DYSF: variants seen among roughly 807,000 people sequenced by gnomAD.
DYSF encodes dystrophy-associated fer-1-like 1.
DYSF carries 212 observed loss-of-function variants against 274.9 expected under a neutral mutation model. The ratio of observed to expected loss-of-function variants is 0.77; its 90% CI spans 0.69 to 0.86. The LOEUF is 0.86. Ranked by LOEUF, DYSF falls within the 40% of genes least tolerant of loss-of-function variation. The pLI is 0.00. For missense variants in DYSF, 2,666 were observed against 2,783.2 expected (o/e 0.96, Z 0.95); for synonymous variants, 1,091 against 1,078.7 (o/e 1.01, Z -0.22).
chr2:71,480,963 TTC>T, intron 2 of DYSF, 25 bp downstream of exon 2: 1 of 1,610,180 alleles, frequency 6.2e-7, no homozygotes, highest in Non-Finnish European at 8.5e-7. Flanking sequence ...CTCCTTCCTT[TTC>T]TCTCTGTCTG....
At chr2:71,555,906 C>A in intron 21 of DYSF, 59 bp from the exon 22 acceptor site, 1 of 1,375,544 alleles carries the variant, frequency 7.3e-7, no homozygotes, top group Non-Finnish European at 1.0e-6. Flanking sequence ...GGGGTTGGGT[C>A]CAGCATGCAC....
chr2:71,600,528 GTTTTGT>G (rs2093524032), intron 33 of DYSF, among the ~76,000 whole-genome samples, 168 bp from the exon 34 acceptor site: 1 of 152,216 alleles, frequency 6.6e-6, no homozygotes, highest in African/African-American at 2.4e-5. Flanking sequence ...CTCACAGCTT[GTTTTGT>G]CCTTGAGTCC....
intron 17 of DYSF, among the ~76,000 whole-genome samples, chr2:71,549,933 G>A (rs2090806718): frequency 6.6e-6 from 1 of 152,058 alleles, no homozygotes; most frequent in Non-Finnish European, 1.5e-5. Context: ...AAGGAGGTGG[G>A]GAGGCCCCTG....
intron 40 of DYSF, among the ~76,000 whole-genome samples, chr2:71,617,701 T>C (rs1280282492): frequency 7.4e-6 from 1 of 135,416 alleles, no homozygotes; most frequent in Admixed American, 7.3e-5. Flanking sequence ...TGTGTGCGTG[T>C]GTGGTAGAGG....
At chr2:71,473,098 C>T (rs192080196) in intron 1 of DYSF, among the ~76,000 whole-genome samples, 155 of 152,144 alleles carry the variant, frequency 1.0e-3, no homozygotes, top group African/African-American at 3.3e-3. Context: ...GGGTGGTTGA[C>T]GGGGAGAGGA....
intron 11 of DYSF, 71 bp from the exon 12 acceptor site, chr2:71,520,718 G>C: frequency 1.5e-6 from 2 of 1,370,396 alleles, no homozygotes; most frequent in South Asian, 1.2e-5. Context: ...AGTCCATCCT[G>C]GGTTCCCGGA....
chr2:71,587,082 G>A (rs72827569), intron 30 of DYSF, among the ~76,000 whole-genome samples: 5 of 152,316 alleles, frequency 3.3e-5, no homozygotes, highest in African/African-American at 1.2e-4. Context: ...TAGTGTCCCT[G>A]CCTCCCAAGT....
intron 2 of DYSF, 52 bp downstream of exon 2, chr2:71,480,990 G>C (rs1282673325): frequency 6.4e-7 from 1 of 1,571,014 alleles, no homozygotes; most frequent in African/African-American, 1.3e-5. Flanking sequence ...AGTTGTGTCT[G>C]CAGGGACAAG....
At chr2:71,458,999 T>G (rs2081178359) in intron 1 of DYSF, among the ~76,000 whole-genome samples, 3 of 152,214 alleles carry the variant, frequency 2.0e-5, no homozygotes, top group Admixed American at 1.3e-4. Flanking sequence ...GAACCAGGAC[T>G]GCATGTGGGT....
At chr2:71,504,581 C>T (rs1175397772) in intron 4 of DYSF, among the ~76,000 whole-genome samples, 2 of 152,208 alleles carry the variant, frequency 1.3e-5, no homozygotes, top group African/African-American at 2.4e-5. Flanking sequence ...AGGCTCAGAC[C>T]CAACCCTCAA....
intron 13 of DYSF, 112 bp downstream of exon 13, chr2:71,526,458 T>C (rs915513118): frequency 1.4e-6 from 2 of 1,441,866 alleles, no homozygotes; most frequent in Non-Finnish European, 1.9e-6. Flanking sequence ...GAGAGGCGTC[T>C]AGGAAAACAA....
rs148363981 is a variant in DYSF at position 71,660,895 on chromosome 2, T to C, written c.5003+244T>C. ...TTACGTCTAAGATCAGAAATCTACA[T>C]GGCTTGAGCTCAGGAGTTTGAGACC... On this transcript the variant is annotated intron_variant, in intron 45 of 55. Coordinates refer to ENST00000410020, the MANE Select transcript of DYSF (RefSeq NM_001130987.2). Among the ~76,000 whole-genome samples, 720 of 152,190 alleles carry C rather than the reference T, an allele frequency of 4.7e-3. 2 individuals carry two copies. Among genetic ancestry groups the C allele is most frequent in the African/African-American group, 0.015 (609 of 41,532 alleles).
chr2:71,603,847 G>C (rs1241205629), intron 36 of DYSF, among the ~76,000 whole-genome samples: 1 of 152,034 alleles, frequency 6.6e-6, no homozygotes, highest in Non-Finnish European at 1.5e-5. Flanking sequence ...CCAGGGATGA[G>C]TTATTAAAAA....
At chr2:71,530,274 A>T (rs1381806194) in intron 14 of DYSF, among the ~76,000 whole-genome samples, 1 of 152,224 alleles carries the variant, frequency 6.6e-6, no homozygotes, top group Non-Finnish European at 1.5e-5. Flanking sequence ...ACTTGGGGGA[A>T]TTCACGTCCT....
chr2:71,513,742 G>T lies in DYSF; in HGVS notation c.580G>T (p.Asp194Tyr), dbSNP rs2086349602. 6.2e-7 allele frequency: 1 copy of T among 1,614,006 alleles called. No homozygotes were observed. Among genetic ancestry groups the T allele is most frequent in the African/African-American group, 1.3e-5 (1 of 74,932 alleles). The change falls in exon 7 of 56, where the codon GAC becomes TAC. Residue 194 changes from aspartate to tyrosine, a missense_variant. By Grantham distance (160) the Asp-to-Tyr change is radical (BLOSUM62 -3). Coordinates refer to ENST00000410020, the MANE Select transcript of DYSF (RefSeq NM_001130987.2). The stretch of plus-strand genomic sequence containing the variant: ...CACAGGAGGAGAGGAAGACACAGAG[G>T]ACCAGGGACTCACTGGAGATGAGGC... ...TDTGGEEDTE[D>Y]QGLTGDEAEP...
At chr2:71,518,115 A>G (rs1573679476) in intron 10 of DYSF, among the ~76,000 whole-genome samples, 1 of 152,268 alleles carries the variant, frequency 6.6e-6, no homozygotes, top group Admixed American at 6.5e-5. Flanking sequence ...AGAGAGGGGA[A>G]CCCTGCCCCA....
chr2:71,622,144 T>TTTTTTTTTTTTTTTTTTC, intron 41 of DYSF, among the ~76,000 whole-genome samples: 2 of 93,778 alleles, frequency 2.1e-5, no homozygotes, highest in South Asian at 3.8e-4. Context: ...TTTTTTTTTT[T>TTTTTTTTTTTTTTTTTTC]TTGTTACGCC....
intron 4 of DYSF, among the ~76,000 whole-genome samples, chr2:71,507,002 C>T (rs1156689356): frequency 1.3e-5 from 2 of 151,916 alleles, no homozygotes; most frequent in African/African-American, 2.4e-5. Flanking sequence ...GTAGAAACAC[C>T]GGATGCTCAG....
Position 71,674,313 on chromosome 2 carries a change from G to A in DYSF, c.5884+17G>A. On this transcript the variant is annotated intron_variant, in intron 52 of 55. Coordinates refer to ENST00000410020, the MANE Select transcript of DYSF (RefSeq NM_001130987.2). ...ATTTTCTGGGTAAGCGCTATTGCTAGAATCCCATTCTGCACATGGGGGCTG... is the reference window on the plus strand; with the variant it reads ...ATTTTCTGGGTAAGCGCTATTGCTAAAATCCCATTCTGCACATGGGGGCTG... The A allele has an allele frequency of 6.2e-7, 1 of 1,611,610 alleles. No homozygotes were observed. The highest frequency in any genetic ancestry group is 8.5e-7 in the Non-Finnish European group (1 of 1,177,660).
Sources: allele counts gnomAD v4.1 joint callset (sites outside exome capture counted in the v4.1 genomes callset), GRCh38; gene constraint gnomAD v4.1.1; transcripts MANE v1.5; gene names NCBI Gene and HGNC (gene_info 2026-07-23, HGNC 2026-07-21).